SV2B: variants seen among roughly 807,000 people sequenced by gnomAD.
SV2B encodes solute carrier family 22 member B2.
In SV2B, 41 loss-of-function variants were observed where a neutral mutation model predicts 73.9. The observed-to-expected ratio is 0.56, with a 90% CI of 0.43 to 0.72. SV2B has a LOEUF of 0.72. Among genes scored for constraint, SV2B ranks in the 30% least tolerant of loss-of-function variants. The probability of loss-of-function intolerance (pLI) is 0.00; values close to 1 mark genes in which losing one functional copy is unlikely to be tolerated. For synonymous variants in SV2B, 314 were observed against 314.2 expected, an observed-to-expected ratio of 1.00 and a Z score of 0.01; for missense variants, 764 against 857.8, an observed-to-expected ratio of 0.89 and a Z score of 1.37.
intron 9 of SV2B, among the ~76,000 whole-genome samples, chr15:91,278,651 C>G (rs1323141313): frequency 1.2e-5 from 1 of 80,548 alleles, no homozygotes; most frequent in Non-Finnish European, 2.5e-5. Flanking sequence ...TGCAGTCCGG[C>G]CTGGGCGACA....
intron 1 of SV2B, among the ~76,000 whole-genome samples, chr15:91,165,286 G>T (rs59119768): frequency 2.0e-5 from 3 of 152,056 alleles, no homozygotes; most frequent in African/African-American, 2.4e-5. Context: ...AGCCGAGATC[G>T]CATCATTGCA....
At chr15:91,182,790 C>T (rs1485373540) in intron 1 of SV2B, among the ~76,000 whole-genome samples, 1 of 152,172 alleles carries the variant, frequency 6.6e-6, no homozygotes, top group African/African-American at 2.4e-5. Context: ...AAATGCCATT[C>T]ATTATAGGAA....
In SV2B at chr15:91,289,793, C is replaced by T. The variant is rs1216973180; in HGVS notation, c.1868+113C>T. ...TGGCCATCGTGGTCTTTCTGCTGTT[C>T]CGTGAAACAAACATCTTTTATGTTG... On this transcript the variant is annotated intron_variant, in intron 12 of 12. Coordinates refer to ENST00000394232, the MANE Select transcript of SV2B (RefSeq NM_001323032.3). The surrounding 1 kb of genome is among the most constrained non-coding windows in gnomAD (Gnocchi z 4.9). The T allele has an allele frequency of 1.9e-5, 23 of 1,200,314 alleles. No individual in the cohort carries two copies. Among genetic ancestry groups the T allele is most frequent in the Non-Finnish European group, 2.3e-5 (20 of 870,722 alleles). 74.4% of individuals were successfully genotyped at this position (1,200,314 alleles called of 1,614,324 possible).
chr15:91,108,533 T>C (rs1016946701), intron 1 of SV2B, among the ~76,000 whole-genome samples: 5 of 152,232 alleles, frequency 3.3e-5, no homozygotes, highest in African/African-American at 9.6e-5. Context: ...ATTTATTAGA[T>C]ACATGGTGAA....
chr15:91,292,720 A>C lies in SV2B; in HGVS notation c.*168A>C. Reference sequence around the variant, plus strand: ...CACTTCAGCTGTCAATATGTTTGTAACTCAGGTGACTGATTTGGGGGTGCC... The same window carrying C: ...CACTTCAGCTGTCAATATGTTTGTACCTCAGGTGACTGATTTGGGGGTGCC... On this transcript the variant is annotated 3_prime_UTR_variant, in exon 13 of 13. Coordinates refer to ENST00000394232, the MANE Select transcript of SV2B (RefSeq NM_001323032.3). 1.3e-6 allele frequency: 1 copy of C among 773,910 alleles called. No individual in the cohort carries two copies. The highest frequency in any genetic ancestry group is 2.4e-5 in the South Asian group (1 of 41,994). The allele number at this position is 773,910 out of a possible 1,614,324, so 47.9% of individuals were successfully genotyped here.
chr15:91,131,663 C>A (rs571102437), intron 1 of SV2B, among the ~76,000 whole-genome samples: 5 of 145,782 alleles, frequency 3.4e-5, no homozygotes, highest in Admixed American at 6.8e-5. Flanking sequence ...AAAAAAAAAA[C>A]AAAAAAAACA....
At chr15:91,279,366 T>A (rs183703767) in intron 9 of SV2B, among the ~76,000 whole-genome samples, 24 of 152,354 alleles carry the variant, frequency 1.6e-4, no homozygotes, top group African/African-American at 5.8e-4. Flanking sequence ...ACAAAGTGTA[T>A]GTAATGACAA....
rs887120587 is a variant in SV2B at position 91,239,286 on chromosome 15, G to A, written c.452-12533G>A. Reference sequence around the variant, plus strand: ...GCATTCATCAATCTCTGCTGGGGATGTGCAGAAAATAGTCCAAAGAAGTTT... The same window carrying A: ...GCATTCATCAATCTCTGCTGGGGATATGCAGAAAATAGTCCAAAGAAGTTT... On this transcript the variant is annotated intron_variant, in intron 2 of 12. Transcript: ENST00000394232. The surrounding 1 kb of genome is among the most constrained non-coding windows in gnomAD (Gnocchi z 5.1). Among the ~76,000 whole-genome samples the A allele has an allele frequency of 6.6e-6, 1 of 152,008 alleles. No individual in the cohort carries two copies. The highest frequency in any genetic ancestry group is 1.5e-5 in the Non-Finnish European group (1 of 68,002).
Position 91,231,377 on chromosome 15 carries a change from G to C in SV2B, c.451+4663G>C, listed in dbSNP as rs2046568324. On this transcript the variant is annotated intron_variant, in intron 2 of 12. Transcript: ENST00000394232. This position sits in a 1 kb window ranked among gnomAD's most constrained non-coding sequence, Gnocchi z 4.5. ...GATTTTGGTACTGAGAGTGCTTCTA[G>C]AGGAGCAGAATTTTGAGGATGAGTT... 6.6e-6 allele frequency among the ~76,000 whole-genome samples: 1 copy of C among 152,154 alleles called. No homozygotes were observed. Among genetic ancestry groups the C allele is most frequent in the Admixed American group, 6.5e-5 (1 of 15,274 alleles).
chr15:91,122,945 GTAGCTATAGT>G lies in SV2B; in HGVS notation c.-392+22585_-392+22594del, dbSNP rs2042379209. On this transcript the variant is annotated intron_variant, in intron 1 of 12. Transcript: ENST00000394232. This position sits in a 1 kb window ranked among gnomAD's most constrained non-coding sequence, Gnocchi z 4.3. Reference sequence around the variant, plus strand: ...TTCAAGAGGTCTATTCTACAACCTGGTAGCTATAGTTAATAACAATGTATTGTATTCTTGA... The same window carrying G: ...TTCAAGAGGTCTATTCTACAACCTGGTAATAACAATGTATTGTATTCTTGA... Among the ~76,000 whole-genome samples the G allele has an allele frequency of 6.6e-6, 1 of 152,156 alleles. No homozygotes were observed. Among genetic ancestry groups the G allele is most frequent in the Non-Finnish European group, 1.5e-5 (1 of 68,036 alleles).
chr15:91,262,674 C>T (rs573908317), intron 6 of SV2B, among the ~76,000 whole-genome samples: 3 of 152,048 alleles, frequency 2.0e-5, no homozygotes, highest in Admixed American at 1.3e-4. Context: ...CACAAGTTCT[C>T]ATCATTTGGC....
At chr15:91,213,275 T>C (rs770177758) in intron 1 of SV2B, among the ~76,000 whole-genome samples, 3 of 152,190 alleles carry the variant, frequency 2.0e-5, no homozygotes, top group Non-Finnish European at 4.4e-5. Flanking sequence ...CACATTTAAC[T>C]TTTCCTCAAG....
chr15:91,147,959 C>A (rs991227226), intron 1 of SV2B, among the ~76,000 whole-genome samples: 9 of 146,986 alleles, frequency 6.1e-5, no homozygotes, highest in Non-Finnish European at 1.0e-4. Context: ...CCCGCACCCC[C>A]CCCAACTTTT....
chr15:91,232,146 A>C lies in SV2B; in HGVS notation c.451+5432A>C, dbSNP rs866655339. On this transcript the variant is annotated intron_variant, in intron 2 of 12. Transcript: ENST00000394232. The surrounding 1 kb of genome is among the most constrained non-coding windows in gnomAD (Gnocchi z 4.7). ...ACTCTGTGTCTCAGAAGGGGGTGGC[A>C]TGGAGGGGGGTCACTTCTGTGGCAC... 4.6e-5 allele frequency among the ~76,000 whole-genome samples: 7 copies of C among 152,168 alleles called. No individual in the cohort carries two copies. Among genetic ancestry groups the C allele is most frequent in the Admixed American group, 1.3e-4 (2 of 15,268 alleles).
rs998578973 is a variant in SV2B at position 91,121,605 on chromosome 15, A to G, written c.-392+21242A>G. Among the ~76,000 whole-genome samples the G allele has an allele frequency of 7.9e-5, 12 of 152,034 alleles. No individual in the cohort carries two copies. The highest frequency in any genetic ancestry group is 6.6e-5 in the Admixed American group (1 of 15,256). ...GGGCAAACCGAGCAGGGCACCCATTAGCTGGAAGGGAAGAAAGCAGAGTTG... is the reference window on the plus strand; with the variant it reads ...GGGCAAACCGAGCAGGGCACCCATTGGCTGGAAGGGAAGAAAGCAGAGTTG... On this transcript the variant is annotated intron_variant, in intron 1 of 12. Transcript: ENST00000394232. The surrounding 1 kb of genome is among the most constrained non-coding windows in gnomAD (Gnocchi z 4.4).
chr15:91,198,566 A>T lies in SV2B; in HGVS notation c.-391-27307A>T, dbSNP rs150749821. Among the ~76,000 whole-genome samples, 503 of 152,040 alleles carry T rather than the reference A, an allele frequency of 3.3e-3. 1 individual carries two copies. Among genetic ancestry groups the T allele is most frequent in the African/African-American group, 0.012 (488 of 41,428 alleles). On this transcript the variant is annotated intron_variant, in intron 1 of 12. Coordinates refer to ENST00000394232, the MANE Select transcript of SV2B (RefSeq NM_001323032.3). The stretch of plus-strand genomic sequence containing the variant: ...TGTTAAAATGGAGTATTACGTTTGT[A>T]CCAGAAACCTAAAAGCATATTTTAT...
chr15:91,287,338 C>A (rs577760440), intron 11 of SV2B, among the ~76,000 whole-genome samples: 1 of 152,296 alleles, frequency 6.6e-6, no homozygotes, highest in African/African-American at 2.4e-5. Flanking sequence ...CTTCCTCCTG[C>A]AGGGTCCTGG....
chr15:91,189,769 A>C (rs2044929412), intron 1 of SV2B, among the ~76,000 whole-genome samples: 1 of 152,240 alleles, frequency 6.6e-6, no homozygotes, highest in Non-Finnish European at 1.5e-5. Flanking sequence ...CGGATGGATC[A>C]CGAGGTCAGG....
Position 91,106,417 on chromosome 15 carries a change from T to C in SV2B, c.-392+6054T>C, listed in dbSNP as rs544046497. Among the ~76,000 whole-genome samples the C allele has an allele frequency of 6.6e-6, 1 of 152,330 alleles. No individual in the cohort carries two copies. The highest frequency in any genetic ancestry group is 1.9e-4 in the East Asian group (1 of 5,180). The stretch of plus-strand genomic sequence containing the variant: ...GCACATTGTATATCCTCAATGGATA[T>C]GTACTGAATGAGTGAATGGAACCAC... On this transcript the variant is annotated intron_variant, in intron 1 of 12. Coordinates refer to ENST00000394232, the MANE Select transcript of SV2B (RefSeq NM_001323032.3). This position sits in a 1 kb window ranked among gnomAD's most constrained non-coding sequence, Gnocchi z 4.4.
Sources: gnomAD v4.1 joint callset for allele counts (sites outside exome capture counted in the v4.1 genomes callset) on GRCh38, gnomAD v4.1.1 for gene constraint, Gnocchi (gnomAD v3.1) non-coding constraint, MANE v1.5 for transcripts, NCBI Gene and HGNC (gene_info 2026-07-23, HGNC 2026-07-21) for gene names.